Variants in PHF14 observed in about 807,000 individuals in gnomAD.
PHF14 encodes PHD finger protein 14.
Under a neutral mutation model 117.9 loss-of-function variants are expected in PHF14, and 55 were observed. That is an observed-to-expected ratio of 0.47 (90% CI 0.38 to 0.58). The LOEUF is 0.58. Among genes scored for constraint, PHF14 ranks in the 20% least tolerant of loss-of-function variants. The pLI is 0.00. For missense variants in PHF14, 978 were observed against 1,122.2 expected (o/e 0.87, Z 1.84); for synonymous variants, 409 against 368.6 (o/e 1.11, Z -1.26).
intron 17 of PHF14, among the ~76,000 whole-genome samples, chr7:11,123,905 G>A (rs1787847132): frequency 6.6e-6 from 1 of 150,454 alleles, no homozygotes; most frequent in Admixed American, 6.6e-5. Flanking sequence ...GTGACAGAGC[G>A]AGACTCCATC....
chr7:10,976,119 A>C (rs1449466602), intron 2 of PHF14, among the ~76,000 whole-genome samples: 2 of 152,220 alleles, frequency 1.3e-5, no homozygotes, highest in Admixed American at 6.5e-5. Flanking sequence ...TTGACTTCAG[A>C]ATTTAGTCTG....
Position 11,037,049 on chromosome 7 carries a change from A to G in PHF14, c.1938A>G (p.Lys646=). 6.6e-7 allele frequency: 1 copy of G among 1,507,866 alleles called. No homozygotes were observed. The highest frequency in any genetic ancestry group is 9.1e-7 in the Non-Finnish European group (1 of 1,100,530). 93.4% of individuals were successfully genotyped at this position (1,507,866 alleles called of 1,614,324 possible). ...CTGAACAAAAGAATATAAAAGATAAATTAGAGAATGAACAAGAAAAGCTTC... is the reference window on the plus strand; with the variant it reads ...CTGAACAAAAGAATATAAAAGATAAGTTAGAGAATGAACAAGAAAAGCTTC... ...NMAEQKNIKD[K]LENEQEKLHV... The change falls in exon 10 of 18, where the codon AAA becomes AAG. Residue 646 remains lysine (K), a synonymous_variant. Transcript: ENST00000634607.
chr7:11,165,941 G>A (rs1228943573), intron 17 of PHF14, among the ~76,000 whole-genome samples: 1 of 152,096 alleles, frequency 6.6e-6, no homozygotes, highest in African/African-American at 2.4e-5. Flanking sequence ...ATTATTAAAT[G>A]GTCCATCTGT....
intron 2 of PHF14, among the ~76,000 whole-genome samples, chr7:10,981,133 C>T (rs1436316266): frequency 6.6e-6 from 1 of 152,098 alleles, no homozygotes; most frequent in Non-Finnish European, 1.5e-5. Context: ...ATACCAGATA[C>T]TAATTACAGA....
In PHF14 at chr7:11,051,666, C is replaced by T; in HGVS notation, c.2367C>T (p.Ala789=). Residue 789 remains alanine, a synonymous_variant, in exon 14 of 18, where the codon GCC becomes GCT. Transcript: ENST00000634607. Reference sequence around the variant, plus strand: ...GCAGTGACATGGAAGCAGATATGGCCATGGAAACCCTACCAGATGGAACCA... The same window carrying T: ...GCAGTGACATGGAAGCAGATATGGCTATGGAAACCCTACCAGATGGAACCA... ...AGSSDMEADM[A]METLPDGTKR... 6.2e-7 allele frequency: 1 copy of T among 1,613,514 alleles called. No homozygotes were observed. The highest frequency in any genetic ancestry group is 8.5e-7 in the Non-Finnish European group (1 of 1,179,634).
intron 7 of PHF14, among the ~76,000 whole-genome samples, chr7:11,030,569 A>C (rs1222248384): frequency 6.6e-6 from 1 of 152,162 alleles, no homozygotes; most frequent in African/African-American, 2.4e-5. Flanking sequence ...AAATTAAATG[A>C]AACTAAACAT....
intron 7 of PHF14, among the ~76,000 whole-genome samples, chr7:11,030,861 T>C (rs962586175): frequency 2.0e-4 from 30 of 152,320 alleles, no homozygotes; most frequent in African/African-American, 7.0e-4. Context: ...TTTCTTGTTA[T>C]AAACAGAGAA....
At chr7:11,031,707 T>C (rs900176366) in intron 7 of PHF14, among the ~76,000 whole-genome samples, 1 of 152,028 alleles carries the variant, frequency 6.6e-6, no homozygotes, top group Non-Finnish European at 1.5e-5. Flanking sequence ...TGAACTATGT[T>C]CTCACCACTG....
intron 16 of PHF14, among the ~76,000 whole-genome samples, chr7:11,087,952 A>G (rs1269475002): frequency 2.0e-5 from 3 of 152,236 alleles, no homozygotes; most frequent in Admixed American, 2.0e-4. Flanking sequence ...AATTATTTAT[A>G]AAACATAATT....
In PHF14 at chr7:11,122,352, T is replaced by TATATATATATATACACAC; in HGVS notation, c.2772+10886_2772+10887insTATATATATATACACACA. ...CTTTTTATATATATATATATATATA[T>TATATATATATATACACAC]ACACACACACACACACACACACACA... On this transcript the variant is annotated intron_variant, in intron 17 of 17. Coordinates refer to ENST00000634607, the MANE Select transcript of PHF14 (RefSeq NM_001007157.2). Among the ~76,000 whole-genome samples the TATATATATATATACACAC allele has an allele frequency of 2.6e-4, 17 of 65,876 alleles. No individual in the cohort carries two copies. The East Asian group carries it at 4.1e-3, about 16-fold the overall frequency. 43.2% of individuals were successfully genotyped at this position (65,876 alleles called of 152,430 possible).
chr7:11,160,745 C>G (rs956269965), intron 17 of PHF14, among the ~76,000 whole-genome samples: 1 of 151,992 alleles, frequency 6.6e-6, no homozygotes, highest in Admixed American at 6.6e-5. Flanking sequence ...ATGTCTTTTG[C>G]CCACTTTTTA....
chr7:11,129,890 G>C (rs758126632), intron 17 of PHF14, among the ~76,000 whole-genome samples: 2 of 151,944 alleles, frequency 1.3e-5, no homozygotes, highest in Non-Finnish European at 2.9e-5. Context: ...TAGGATGATT[G>C]CTTTCAGCAC....
In PHF14 at chr7:11,024,894, G is replaced by A. The variant is rs540975161; in HGVS notation, c.1317+1915G>A. On this transcript the variant is annotated intron_variant, in intron 6 of 17. Coordinates refer to ENST00000634607, the MANE Select transcript of PHF14 (RefSeq NM_001007157.2). ...TTGACTTTAAAGTCTGATTATTTAA[G>A]AAATACATTTCATAAGGCTATAGCT... Among the ~76,000 whole-genome samples the A allele has an allele frequency of 1.1e-4, 17 of 152,324 alleles. No homozygotes were observed. In the South Asian group the frequency reaches 3.1e-3, roughly 28 times the overall value.
chr7:11,102,754 TTTC>T lies in PHF14; in HGVS notation c.2655-8590_2655-8588del, dbSNP rs1194139662. On this transcript the variant is annotated intron_variant, in intron 16 of 17. Coordinates refer to ENST00000634607, the MANE Select transcript of PHF14 (RefSeq NM_001007157.2). ...CCTGTGTGGAATTTTTTTTCCTATT[TTTC>T]TTCTTTTTGCTTTTTTTGCACTTAT... 1.1e-5 allele frequency: 15 copies of T among 1,391,106 alleles called. No homozygotes were observed. The East Asian group carries it at 2.6e-4, about 24-fold the overall frequency. The allele number at this position is 1,391,106 out of a possible 1,614,324, so 86.2% of individuals were successfully genotyped here. A position where few individuals can be genotyped will look rare whatever the true frequency, so the allele number is the denominator to read the frequency against.
At chr7:11,063,434 C>T in intron 16 of PHF14, 3 of 971,148 alleles carry the variant, frequency 3.1e-6, no homozygotes, top group Non-Finnish European at 3.7e-6. Context: ...AAAAAAATAA[C>T]AATCTTATAT....
chr7:11,013,983 A>G, intron 5 of PHF14, 77 bp downstream of exon 5: 3 of 886,310 alleles, frequency 3.4e-6, no homozygotes, highest in Non-Finnish European at 5.2e-6. Flanking sequence ...TCTTCTGTTT[A>G]TGATTACACA....
intron 3 of PHF14, among the ~76,000 whole-genome samples, chr7:10,985,739 G>A (rs1341466217): frequency 8.1e-6 from 1 of 123,408 alleles, no homozygotes; most frequent in African/African-American, 3.1e-5. Context: ...TGCAACCTCC[G>A]CCTCATGGGT....
chr7:11,158,136 A>T (rs1409916506), intron 17 of PHF14, among the ~76,000 whole-genome samples: 1 of 152,088 alleles, frequency 6.6e-6, no homozygotes, highest in Admixed American at 6.6e-5. Flanking sequence ...GTATTTTACC[A>T]GTTTTGCCAC....
At chr7:11,024,743 AT>A (rs1400828790) in intron 6 of PHF14, among the ~76,000 whole-genome samples, 1 of 152,218 alleles carries the variant, frequency 6.6e-6, no homozygotes, top group East Asian at 1.9e-4. Flanking sequence ...CTTTCAAAAG[AT>A]TACTGCTTAT....
Sources: gnomAD v4.1 joint callset for allele counts (sites outside exome capture counted in the v4.1 genomes callset) on GRCh38, gnomAD v4.1.1 for gene constraint, MANE v1.5 for transcripts, NCBI Gene and HGNC (gene_info 2026-07-23, HGNC 2026-07-21) for gene names.